Variants in SMG1 observed in about 807,000 individuals in gnomAD.
The protein encoded by SMG1 is serine/threonine-protein kinase SMG1.
In SMG1, 22 loss-of-function variants were observed where a neutral mutation model predicts 419.9. That is an observed-to-expected ratio of 0.05 (90% CI 0.04 to 0.07). SMG1 has a LOEUF of 0.07. SMG1 is among the 10% of genes least tolerant of loss of function. The probability of loss-of-function intolerance (pLI) is 1.00; values close to 1 mark genes in which losing one functional copy is unlikely to be tolerated. For synonymous variants in SMG1, 1,538 were observed against 1,553.5 expected (o/e 0.99, Z 0.23); for missense variants, 3,185 against 4,342.0 (o/e 0.73, Z 7.49).
intron 27 of SMG1, 35 bp from the exon 28 acceptor site, chr16:18,859,216 T>C (rs1826169431): frequency 3.3e-6 from 5 of 1,493,404 alleles, no homozygotes; most frequent in South Asian, 1.2e-5. Context: ...TTAATAAAAA[T>C]TACAATTCAT....
At position 18,819,674 on chromosome 16, in the gene SMG1, C is replaced by A. The variant is rs1353226217; in HGVS notation, c.9742-20G>T. ...CTTCTCCTATAAAAGCCAGCAGAAT[C>A]TTGGTGAAGGTATATGACATTCTCT... On this transcript the variant is annotated intron_variant, in intron 55 of 62. Coordinates refer to ENST00000446231, the MANE Select transcript of SMG1 (RefSeq NM_015092.5). 2.6e-6 allele frequency: 4 copies of A among 1,529,252 alleles called. No homozygotes were observed. The highest frequency in any genetic ancestry group is 4.7e-5 in the East Asian group (2 of 42,602). 94.7% of individuals were successfully genotyped at this position (1,529,252 alleles called of 1,614,324 possible). A position where few individuals can be genotyped will look rare whatever the true frequency, so the allele number is the denominator to read the frequency against.
intron 42 of SMG1, among the ~76,000 whole-genome samples, chr16:18,839,111 G>C (rs1423927933): frequency 6.6e-6 from 1 of 152,100 alleles, no homozygotes; most frequent in African/African-American, 2.4e-5. Flanking sequence ...TTCCAAAAGT[G>C]CTGGGATTAC....
chr16:18,889,050 T>G (rs947950609), intron 6 of SMG1, among the ~76,000 whole-genome samples: 2 of 150,948 alleles, frequency 1.3e-5, no homozygotes, highest in Non-Finnish European at 2.9e-5. Context: ...GGTCTCGATC[T>G]CCTGACCTCA....
chr16:18,841,913 G>A (rs1255125184), intron 40 of SMG1, 119 bp from the exon 41 acceptor site: 1 of 835,818 alleles, frequency 1.2e-6, no homozygotes, highest in Non-Finnish European at 2.0e-6. Context: ...GGCACACTGA[G>A]AGCATTAAAG....
At chr16:18,914,414 C>G (rs2037896557) in intron 1 of SMG1, among the ~76,000 whole-genome samples, 1 of 152,028 alleles carries the variant, frequency 6.6e-6, no homozygotes. Context: ...TGGTGGCTCA[C>G]GCCTGTAATC....
intron 1 of SMG1, among the ~76,000 whole-genome samples, chr16:18,909,820 C>T (rs980154498): frequency 2.6e-5 from 4 of 152,042 alleles, no homozygotes; most frequent in African/African-American, 9.7e-5. Context: ...TTACTGAGGT[C>T]TTTGTATTTA....
At chr16:18,919,830 G>C (rs943572410) in intron 1 of SMG1, among the ~76,000 whole-genome samples, 1 of 151,926 alleles carries the variant, frequency 6.6e-6, no homozygotes, top group Non-Finnish European at 1.5e-5. Flanking sequence ...GTCCAGGCAC[G>C]GTGTCTCACT....
chr16:18,815,329 A>T, intron 59 of SMG1, 48 bp from the exon 60 acceptor site: 1 of 1,527,542 alleles, frequency 6.5e-7, no homozygotes, highest in South Asian at 1.2e-5. Flanking sequence ...TTTACCTGAT[A>T]CTACTTATAA....
intron 42 of SMG1, 124 bp downstream of exon 42, chr16:18,839,574 C>A: frequency 8.0e-7 from 1 of 1,244,756 alleles, no homozygotes; most frequent in Non-Finnish European, 1.1e-6. Flanking sequence ...CTCAAATATA[C>A]GTCTCAAACT....
At chr16:18,847,309 G>A (rs369927464) in intron 38 of SMG1, 144 bp downstream of exon 38, 7 of 801,994 alleles carry the variant, frequency 8.7e-6, no homozygotes, top group Middle Eastern at 3.6e-4. Context: ...GAAATGGACC[G>A]TGGTGATGGT....
intron 1 of SMG1, chr16:18,925,162 G>A (rs1351655719): frequency 1.3e-5 from 2 of 152,116 alleles, no homozygotes; most frequent in Non-Finnish European, 2.9e-5. Context: ...CAAAAAGACA[G>A]GAAACTACAT....
At position 18,863,657 on chromosome 16, in the gene SMG1, A is replaced by G; in HGVS notation, c.3688T>C (p.Tyr1230His). The stretch of plus-strand genomic sequence containing the variant: ...GGAAAAAGTAAGCCTTACTTTATAT[A>G]GTTGAAGTCAGCTTTCAGGTTGAGG... ...TSLNLKADFN[Y>H]IKSLSSFESG... is the part of the protein sequence containing the mutation. The change falls in exon 25 of 63, where the codon TAT becomes CAT. Residue 1230 changes from tyrosine (Y) to histidine (H), a missense_variant. This residue lies in a region of SMG1 where 120 missense variants were observed against 193.3 expected (regional missense o/e 0.62). Transcript: ENST00000446231. 6.3e-7 allele frequency: 1 copy of G among 1,593,900 alleles called. No homozygotes were observed.
intron 6 of SMG1, among the ~76,000 whole-genome samples, chr16:18,887,831 A>G (rs1347019030): frequency 6.9e-6 from 1 of 144,048 alleles, no homozygotes; most frequent in African/African-American, 2.6e-5. Context: ...ACACATCAAT[A>G]CTATAATTTA....
At chr16:18,840,057 C>A (rs9635473) in intron 41 of SMG1, 111 bp from the exon 42 acceptor site, 74,552 of 795,580 alleles carry the variant, frequency 0.094, 3,779 homozygotes, top group Admixed American at 0.15. Flanking sequence ...CAGTAGCATT[C>A]TCTCATTACT....
chr16:18,816,032 T>G lies in SMG1; in HGVS notation c.10302+270A>C. 1.4e-5 allele frequency: 7 copies of G among 490,804 alleles called. No individual in the cohort carries two copies. The South Asian group carries it at 1.7e-4, about 12-fold the overall frequency. 30.4% of individuals were successfully genotyped at this position (490,804 alleles called of 1,614,324 possible). On this transcript the variant is annotated intron_variant, in intron 58 of 62. Coordinates refer to ENST00000446231, the MANE Select transcript of SMG1 (RefSeq NM_015092.5). ...AAGCTGGATATCTGAATGCTCAGAC[T>G]AGGTTCATATCTTGGTTTTATTACA...
At chr16:18,882,696 T>C (rs1243982233) in intron 9 of SMG1, among the ~76,000 whole-genome samples, 3 of 152,192 alleles carry the variant, frequency 2.0e-5, no homozygotes, top group Non-Finnish European at 4.4e-5. Context: ...AAAAATCTCA[T>C]TCTAGGTATT....
chr16:18,867,109 C>A (rs1012385377), intron 22 of SMG1, among the ~76,000 whole-genome samples: 32 of 152,138 alleles, frequency 2.1e-4, no homozygotes, highest in Admixed American at 3.3e-4. Flanking sequence ...GAATGATTAA[C>A]TTCATGTGTT....
In SMG1 at chr16:18,872,548, T is replaced by C. The variant is rs1200191191; in HGVS notation, c.1967A>G (p.His656Arg). ...LMIVHSDLAV[H>R]FPAIQYAVLY... ...CACAGCATACTGAATGGCAGGGAAG[T>C]GAACAGCCAGGTCACTGTGCACAAT... The change falls in exon 14 of 63, where the codon CAC becomes CGC. Residue 656 changes from histidine (H) to arginine (R), a missense_variant. By Grantham distance (29) the His-to-Arg change is conservative. Coordinates refer to ENST00000446231, the MANE Select transcript of SMG1 (RefSeq NM_015092.5). 6.6e-7 allele frequency: 1 copy of C among 1,519,506 alleles called. No homozygotes were observed. The highest frequency in any genetic ancestry group is 2.4e-5 in the East Asian group (1 of 41,864). The allele number at this position is 1,519,506 out of a possible 1,614,324, so 94.1% of individuals were successfully genotyped here. A position where few individuals can be genotyped will look rare whatever the true frequency, so the allele number is the denominator to read the frequency against.
chr16:18,865,259 TAATA>T (rs1161560875), intron 23 of SMG1, among the ~76,000 whole-genome samples: 1 of 152,182 alleles, frequency 6.6e-6, no homozygotes, highest in African/African-American at 2.4e-5. Context: ...TATTAGTCAT[TAATA>T]AATATAGAAA....
Sources: gnomAD v4.1 joint callset for allele counts (sites outside exome capture counted in the v4.1 genomes callset) on GRCh38, gnomAD v4.1.1 for gene constraint, gnomAD v4.1.1 regional missense constraint, MANE v1.5 for transcripts, NCBI Gene and HGNC (gene_info 2026-07-23, HGNC 2026-07-21) for gene names.